Variants in MC2R observed in about 807,000 individuals in gnomAD.
MC2R encodes the protein adrenocorticotropic hormone receptor.
In MC2R, 9 loss-of-function variants were observed where a neutral mutation model predicts 9.8. The observed-to-expected ratio is 0.92, with a 90% CI of 0.55 to 1.60. MC2R has a LOEUF of 1.60. Ranked by LOEUF, MC2R falls within the 40% of genes most tolerant of loss-of-function variation. The probability of loss-of-function intolerance (pLI) is 0.00; values close to 1 mark genes in which losing one functional copy is unlikely to be tolerated. For missense variants in MC2R, 370 were observed against 389.0 expected, an observed-to-expected ratio of 0.95 and a Z score of 0.41; for synonymous variants, 185 against 154.7, an observed-to-expected ratio of 1.20 and a Z score of -1.45.
intron 1 of MC2R, among the ~76,000 whole-genome samples, chr18:13,913,788 G>A (rs949354047): frequency 3.3e-5 from 5 of 152,262 alleles, no homozygotes; most frequent in East Asian, 1.9e-4. Context: ...ATTGCTGCCC[G>A]TCTATGCACC....
chr18:13,901,663 C>A (rs1313614004), intron 1 of MC2R, among the ~76,000 whole-genome samples: 1 of 151,982 alleles, frequency 6.6e-6, no homozygotes, highest in Non-Finnish European at 1.5e-5. Flanking sequence ...ATACATATAA[C>A]CTAACAAGAT....
At chr18:13,896,004 A>G (rs137980919) in intron 1 of MC2R, among the ~76,000 whole-genome samples, 1 of 152,164 alleles carries the variant, frequency 6.6e-6, no homozygotes, top group Non-Finnish European at 1.5e-5. Context: ...CACATATTAG[A>G]TTGGTATTTG....
chr18:13,909,373 C>G (rs187750245), intron 1 of MC2R, among the ~76,000 whole-genome samples: 28 of 152,302 alleles, frequency 1.8e-4, no homozygotes, highest in Admixed American at 1.6e-3. Context: ...TCATGCTTGC[C>G]GGGTTTCCCC....
intron 1 of MC2R, among the ~76,000 whole-genome samples, chr18:13,905,448 T>G (rs1210018949): frequency 1.3e-5 from 2 of 150,414 alleles, no homozygotes; most frequent in African/African-American, 4.9e-5. Context: ...ATCGTGCCAC[T>G]ACACTCCAGC....
chr18:13,896,437 A>G (rs975982667), intron 1 of MC2R, among the ~76,000 whole-genome samples: 3 of 152,226 alleles, frequency 2.0e-5, no homozygotes. Context: ...AAGAATATAG[A>G]AGTACAATGA....
rs930683262 is a variant in MC2R, at chr18:13,907,174, A to G, written c.-129+8314T>C. On this transcript the variant is annotated intron_variant, in intron 1 of 1. Transcript: ENST00000327606. ...GCACGGCATCAGCATAAAAACAGTT[A>G]CACAGATAAATGGAAGAGAATAAAT... Among the ~76,000 whole-genome samples the G allele has an allele frequency of 1.9e-4, 29 of 152,238 alleles. 1 individual carries two copies. Among genetic ancestry groups the G allele is most frequent in the African/African-American group, 7.0e-4 (29 of 41,464 alleles).
chr18:13,903,173 A>T (rs1167042309), intron 1 of MC2R, among the ~76,000 whole-genome samples: 2 of 152,258 alleles, frequency 1.3e-5, no homozygotes, highest in African/African-American at 4.8e-5. Flanking sequence ...AATGGTTTAT[A>T]TCCAAAAGAC....
chr18:13,899,736 C>T (rs2045367619), intron 1 of MC2R, among the ~76,000 whole-genome samples: 1 of 152,048 alleles, frequency 6.6e-6, no homozygotes, highest in African/African-American at 2.4e-5. Flanking sequence ...AAACTTTTAC[C>T]TGAGAATAGT....
rs777203436 is a variant in MC2R, at chr18:13,884,696, T to C, written c.823A>G (p.Ile275Val). The change falls in exon 2 of 2, where the codon ATA (isoleucine) becomes GTA (valine). Residue 275 changes from isoleucine to valine, a missense_variant. Coordinates refer to ENST00000327606, the MANE Select transcript of MC2R (RefSeq NM_000529.2). ...AGCTCTGGGCTCCGGAAGGCATATA[T>C]GAAGGGGTCAATGACGGCATTGCAC... Reference protein sequence around the residue: ...IMCNAVIDPFIYAFRSPELRD... With the variant: ...IMCNAVIDPFVYAFRSPELRD... 73 of 1,614,016 alleles carry C rather than the reference T, an allele frequency of 4.5e-5. No homozygotes were observed. Among genetic ancestry groups the C allele is most frequent in the Non-Finnish European group, 1.9e-5 (23 of 1,180,042 alleles).
chr18:13,906,139 T>C (rs572637147), intron 1 of MC2R, among the ~76,000 whole-genome samples: 2 of 152,326 alleles, frequency 1.3e-5, no homozygotes, highest in African/African-American at 2.4e-5. Context: ...CGTATGTTTA[T>C]TGCAGCACTA....
intron 1 of MC2R, among the ~76,000 whole-genome samples, chr18:13,891,222 C>A (rs2045314032): frequency 6.6e-6 from 1 of 152,160 alleles, no homozygotes; most frequent in African/African-American, 2.4e-5. Context: ...ATCTTGGAGG[C>A]TTTCCAAAAA....
rs72556562 is a variant in MC2R at position 13,886,618 on chromosome 18, A to G, written c.-128-972T>C. ...ATAACGGTAAAGGTGCTGATGTATC[A>G]TTCCCAAAGATGACTATACAATGAG... On this transcript the variant is annotated intron_variant, in intron 1 of 1. Coordinates refer to ENST00000327606, the MANE Select transcript of MC2R (RefSeq NM_000529.2). Among the ~76,000 whole-genome samples the G allele has an allele frequency of 1.0e-2, 1,521 of 152,282 alleles. 24 individuals are homozygous for G. Among genetic ancestry groups the G allele is most frequent in the African/African-American group, 0.035 (1,458 of 41,552 alleles).
In MC2R at chr18:13,885,430, A is replaced by AT; in HGVS notation, c.88dup (p.Ile30AsnfsTer24). On this transcript the variant is annotated frameshift_variant, in exon 2 of 2. Coordinates refer to ENST00000327606, the MANE Select transcript of MC2R (RefSeq NM_000529.2). LOFTEE classifies it high-confidence loss of function. Reference sequence around the variant, plus strand: ...TCCAACAATGGAAATTGTGAAAAATATCTCCTCCGGCAAAACCACACGAGG... The same window carrying AT: ...TCCAACAATGGAAATTGTGAAAAATATTCTCCTCCGGCAAAACCACACGAGG... 6.2e-7 allele frequency: 1 copy of AT among 1,613,962 alleles called. No individual in the cohort carries two copies. The highest frequency in any genetic ancestry group is 8.5e-7 in the Non-Finnish European group (1 of 1,179,852).
chr18:13,902,902 C>G (rs569314603), intron 1 of MC2R, among the ~76,000 whole-genome samples: 1 of 152,162 alleles, frequency 6.6e-6, no homozygotes, highest in South Asian at 2.1e-4. Context: ...AGTGAAGAGA[C>G]AGCCCATAGA....
Position 13,884,917 on chromosome 18 carries a change from C to A in MC2R, c.602G>T (p.Arg201Leu), listed in dbSNP as rs753089914. Reference protein sequence around the residue: ...CLYVHMFLLARSHTRKISTLP... With the variant: ...CLYVHMFLLALSHTRKISTLP... ...GGTGGAGATCTTCCTGGTGTGGGAT[C>A]GAGCCAGCAGGAACATGTGCACATA... The change falls in exon 2 of 2, where the codon CGA becomes CTA. Residue 201 changes from arginine (R) to leucine (L), a missense_variant. Transcript: ENST00000327606. The A allele has an allele frequency of 1.9e-6, 3 of 1,613,542 alleles. No individual in the cohort carries two copies. The highest frequency in any genetic ancestry group is 2.5e-6 in the Non-Finnish European group (3 of 1,179,936).
intron 1 of MC2R, among the ~76,000 whole-genome samples, chr18:13,900,321 T>C (rs2149140366): frequency 6.6e-6 from 1 of 151,886 alleles, no homozygotes; most frequent in East Asian, 1.9e-4. Context: ...TCACTTTTAC[T>C]AAAAGAAGAC....
chr18:13,889,858 C>T (rs1035863060), intron 1 of MC2R, among the ~76,000 whole-genome samples: 15 of 152,102 alleles, frequency 9.9e-5, no homozygotes, highest in Admixed American at 8.5e-4. Context: ...CCTATTCTCT[C>T]TGACTCACCC....
intron 1 of MC2R, among the ~76,000 whole-genome samples, chr18:13,895,494 T>C (rs1398945401): frequency 6.6e-6 from 1 of 152,100 alleles, no homozygotes; most frequent in Non-Finnish European, 1.5e-5. Flanking sequence ...CAGGAAATGA[T>C]GGGACCTTCG....
At chr18:13,887,694 C>T (rs906631765) in intron 1 of MC2R, among the ~76,000 whole-genome samples, 4 of 152,158 alleles carry the variant, frequency 2.6e-5, no homozygotes, top group Middle Eastern at 3.2e-3. Flanking sequence ...ACCAGCTCCT[C>T]GACGACCTGG....
Sources: allele counts gnomAD v4.1 joint callset (sites outside exome capture counted in the v4.1 genomes callset), GRCh38; gene constraint gnomAD v4.1.1; transcripts MANE v1.5; gene names NCBI Gene and HGNC (gene_info 2026-07-23, HGNC 2026-07-21).